NEK7: variants seen among roughly 807,000 people sequenced by gnomAD.
The protein encoded by NEK7 is NIMA related kinase 7.
NEK7 carries 18 observed loss-of-function variants against 44.6 expected under a neutral mutation model. The ratio of observed to expected loss-of-function variants is 0.40; its 90% confidence interval spans 0.28 to 0.60. The LOEUF is 0.60. NEK7 is among the 20% of genes least tolerant of loss of function. The pLI is 0.38. For synonymous variants in NEK7, 130 were observed against 121.1 expected (o/e 1.07, Z -0.48); for missense variants, 256 against 366.5 (o/e 0.70, Z 2.46).
chr1:198,291,757 A>G (rs1478895478), intron 7 of NEK7, among the ~76,000 whole-genome samples: 1 of 152,120 alleles, frequency 6.6e-6, no homozygotes, highest in African/African-American at 2.4e-5. Context: ...ATCATGGGTC[A>G]TGGTACATGA....
intron 1 of NEK7, among the ~76,000 whole-genome samples, chr1:198,164,842 C>T (rs1002600040): frequency 2.0e-5 from 3 of 152,096 alleles, no homozygotes; most frequent in African/African-American, 7.2e-5. Context: ...TTCTCTGTAG[C>T]ATATGATGCT....
intron 1 of NEK7, among the ~76,000 whole-genome samples, chr1:198,229,502 C>T (rs2884688): frequency 0.18 from 26,713 of 152,010 alleles, 3,400 homozygotes; most frequent in African/African-American, 0.33. Context: ...GGAAAGGGGG[C>T]GGTGGTCTTG....
intron 1 of NEK7, among the ~76,000 whole-genome samples, chr1:198,220,150 T>A (rs1359098088): frequency 6.6e-6 from 1 of 152,070 alleles, no homozygotes; most frequent in African/African-American, 2.4e-5. Flanking sequence ...ACTCATAGGT[T>A]CTTACTTTAT....
chr1:198,210,203 T>TCCTG (rs1377707996), intron 1 of NEK7, among the ~76,000 whole-genome samples: 1 of 152,162 alleles, frequency 6.6e-6, no homozygotes, highest in Non-Finnish European at 1.5e-5. Context: ...CAAGTGATCC[T>TCCTG]CCTGCCTCAC....
chr1:198,210,316 C>A (rs1034102769), intron 1 of NEK7, among the ~76,000 whole-genome samples: 1 of 152,054 alleles, frequency 6.6e-6, no homozygotes, highest in Non-Finnish European at 1.5e-5. Flanking sequence ...GAACTCCTGG[C>A]CCCCCAAGTT....
chr1:198,265,901 A>T (rs1009997710), intron 5 of NEK7, among the ~76,000 whole-genome samples: 1 of 152,136 alleles, frequency 6.6e-6, no homozygotes, highest in African/African-American at 2.4e-5. Flanking sequence ...ACATATAAAC[A>T]TACTATATAT....
At chr1:198,259,018 T>A (rs1439816925) in intron 3 of NEK7, among the ~76,000 whole-genome samples, 2 of 152,212 alleles carry the variant, frequency 1.3e-5, no homozygotes, top group Non-Finnish European at 2.9e-5. Flanking sequence ...CTTCTGAATT[T>A]CCAGTTAAAT....
Position 198,297,092 on chromosome 1 carries a change from C to T in NEK7, c.685-35C>T, listed in dbSNP as rs753989788. 10 of 1,329,254 alleles carry T rather than the reference C, an allele frequency of 7.5e-6. No individual in the cohort carries two copies. In the Admixed American group the frequency reaches 1.0e-4, roughly 14 times the overall value. The allele number at this position is 1,329,254 out of a possible 1,614,324, so 82.3% of individuals were successfully genotyped here. A position where few individuals can be genotyped will look rare whatever the true frequency, so the allele number is the denominator to read the frequency against. On this transcript the variant is annotated intron_variant, in intron 8 of 9. Coordinates refer to ENST00000367385, the MANE Select transcript of NEK7 (RefSeq NM_133494.3). ...ATGAAATCACCTTTTAAGTTACCAT[C>T]TAACTATATCAGTTTCATTGGGGGC... is the stretch of plus-strand genomic sequence containing the variant.
At chr1:198,294,731 A>G (rs1654660305) in intron 8 of NEK7, among the ~76,000 whole-genome samples, 1 of 152,158 alleles carries the variant, frequency 6.6e-6, no homozygotes, top group South Asian at 2.1e-4. Context: ...ATCTTTGGAC[A>G]TTTCTACATC....
chr1:198,310,821 T>C (rs1046950648), intron 9 of NEK7, among the ~76,000 whole-genome samples: 4 of 152,216 alleles, frequency 2.6e-5, no homozygotes, highest in African/African-American at 9.6e-5. Context: ...ACCACTACCA[T>C]GCTGTTTTGG....
rs1365096450 is a variant in NEK7, at chr1:198,279,010, C to T, written c.538C>T (p.Leu180Phe). ...CACTGGGGTGGTAAAACTTGGAGAT[C>T]TTGGGCTTGGCCGGTTTTTCAGCTC... ...TATGVVKLGD[L>F]GLGRFFSSKT... is the part of the protein sequence containing the mutation. The change falls in exon 7 of 10, where the codon CTT becomes TTT. Residue 180 changes from leucine (L) to phenylalanine (F), a missense_variant. Leu to Phe is a conservative substitution (Grantham distance 22, BLOSUM62 0). This residue lies in a region of NEK7 where 102 missense variants were observed against 205.2 expected (regional missense o/e 0.50). Transcript: ENST00000367385. The T allele has an allele frequency of 6.2e-7, 1 of 1,611,130 alleles. No homozygotes were observed. The highest frequency in any genetic ancestry group is 8.5e-7 in the Non-Finnish European group (1 of 1,177,996).
intron 2 of NEK7, among the ~76,000 whole-genome samples, chr1:198,234,561 T>A (rs1281191695): frequency 1.3e-5 from 2 of 152,154 alleles, no homozygotes; most frequent in Admixed American, 6.6e-5. Flanking sequence ...AGTAAGCACT[T>A]TCATTTTTGC....
At chr1:198,222,288 T>C (rs1666094424) in intron 1 of NEK7, among the ~76,000 whole-genome samples, 1 of 152,194 alleles carries the variant, frequency 6.6e-6, no homozygotes, top group African/African-American at 2.4e-5. Context: ...GAGAACTTTT[T>C]TCAATCACAT....
intron 3 of NEK7, among the ~76,000 whole-genome samples, chr1:198,260,332 A>G (rs1653415308): frequency 6.6e-6 from 1 of 152,002 alleles, no homozygotes; most frequent in African/African-American, 2.4e-5. Flanking sequence ...AATGTATACA[A>G]CAGCTTAATG....
chr1:198,275,064 T>TG (rs1653973485), intron 5 of NEK7, among the ~76,000 whole-genome samples: 1 of 151,710 alleles, frequency 6.6e-6, no homozygotes, highest in Non-Finnish European at 1.5e-5. Context: ...ATATGTAAAT[T>TG]GATTAGCTTT....
chr1:198,312,788 A>C (rs1030279881), intron 9 of NEK7, among the ~76,000 whole-genome samples: 17 of 151,572 alleles, frequency 1.1e-4, no homozygotes, highest in East Asian at 3.9e-4. Flanking sequence ...GTTTGATTGC[A>C]CTGTGGTCTG....
chr1:198,238,650 C>T (rs972781190), intron 2 of NEK7, among the ~76,000 whole-genome samples: 3 of 152,134 alleles, frequency 2.0e-5, no homozygotes, highest in Non-Finnish European at 4.4e-5. Context: ...TTCTTTTTTA[C>T]ACATTACAAA....
chr1:198,305,004 A>T (rs756535454), intron 9 of NEK7, among the ~76,000 whole-genome samples: 10 of 152,176 alleles, frequency 6.6e-5, no homozygotes, highest in Non-Finnish European at 1.3e-4. Context: ...TATTTTTAAC[A>T]TATAAAACAA....
chr1:198,291,094 A>G (rs564464947), intron 7 of NEK7, among the ~76,000 whole-genome samples: 1 of 152,170 alleles, frequency 6.6e-6, no homozygotes, highest in Admixed American at 6.5e-5. Context: ...CTTATCATCA[A>G]TCTTTCACAC....
Sources: gnomAD v4.1 joint callset for allele counts (sites outside exome capture counted in the v4.1 genomes callset) on GRCh38, gnomAD v4.1.1 for gene constraint, gnomAD v4.1.1 regional missense constraint, MANE v1.5 for transcripts, NCBI Gene and HGNC (gene_info 2026-07-23, HGNC 2026-07-21) for gene names.